WDR36: variants seen among roughly 807,000 people sequenced by gnomAD.
WDR36 encodes the protein WD repeat-containing protein 36.
WDR36 carries 63 observed loss-of-function variants against 112.7 expected under a neutral mutation model. The ratio of observed to expected loss-of-function variants is 0.56; its 90% CI spans 0.46 to 0.69. The LOEUF (loss-of-function observed/expected upper bound fraction) is 0.69, where lower values mean the gene tolerates loss of function less well. Ranked by LOEUF, WDR36 falls within the 30% of genes least tolerant of loss-of-function variation. The pLI is 0.00. For missense variants in WDR36, 1,226 were observed against 1,070.3 expected, an observed-to-expected ratio of 1.15 and a Z score of -2.03; for synonymous variants, 410 against 362.2, an observed-to-expected ratio of 1.13 and a Z score of -1.50.
rs1020018622 is a variant in WDR36 at position 111,094,901 on chromosome 5, T to G, written c.163-19T>G. 6.3e-7 allele frequency: 1 copy of G among 1,586,326 alleles called. No homozygotes were observed. Among genetic ancestry groups the G allele is most frequent in the African/African-American group, 1.3e-5 (1 of 74,440 alleles). On this transcript the variant is annotated intron_variant, in intron 1 of 22. Transcript: ENST00000513710. ...TATGTTTGTTAATGAAAATTTAACC[T>G]TTTTTCTTTTTTAAACAGGTTCAGA...
intron 4 of WDR36, among the ~76,000 whole-genome samples, chr5:111,099,466 T>G (rs1271888083): frequency 0.035 from 1,473 of 42,208 alleles, 16 homozygotes; most frequent in African/African-American, 0.11. Flanking sequence ...TTTTTTTGTT[T>G]TTTTTTTTTT....
chr5:111,102,483 G>C, intron 6 of WDR36, 84 bp downstream of exon 6: 1 of 1,352,628 alleles, frequency 7.4e-7, no homozygotes, highest in East Asian at 2.3e-5. Flanking sequence ...AATTTTAGAC[G>C]TAAAGACGAA....
In WDR36 at chr5:111,100,839, A is replaced by G. The variant is rs564675232; in HGVS notation, c.542+118A>G. On this transcript the variant is annotated intron_variant, in intron 5 of 22. Coordinates refer to ENST00000513710, the MANE Select transcript of WDR36 (RefSeq NM_139281.3). ...TGTATATTTATTTGGAGGGTTGTCT[A>G]TAAATAACAGTTGGTCCCCTGTATC... The G allele has an allele frequency of 3.7e-5, 39 of 1,060,234 alleles. 1 individual carries two copies. In the African/African-American group the frequency reaches 5.7e-4, roughly 15 times the overall value. 65.7% of individuals were successfully genotyped at this position (1,060,234 alleles called of 1,614,324 possible).
intron 15 of WDR36, 170 bp downstream of exon 15, chr5:111,111,448 A>G (rs530964014): frequency 1.1e-4 from 67 of 618,334 alleles, no homozygotes; most frequent in South Asian, 2.2e-4. Flanking sequence ...AATATTTTTC[A>G]GGGAGTTGAT....
At chr5:111,106,765 T>C (rs993694315) in intron 11 of WDR36, among the ~76,000 whole-genome samples, 1 of 151,426 alleles carries the variant, frequency 6.6e-6, no homozygotes, top group East Asian at 1.9e-4. Context: ...GAATCTCATC[T>C]CCTTAACATG....
intron 6 of WDR36, 71 bp downstream of exon 6, chr5:111,102,470 C>T (rs1219589319): frequency 6.8e-7 from 1 of 1,460,708 alleles, no homozygotes; most frequent in South Asian, 1.2e-5. Flanking sequence ...AGGAATCAAT[C>T]ATAATTTTAG....
Position 111,103,727 on chromosome 5 carries a change from CA to C in WDR36, c.598-58del, listed in dbSNP as rs112950746. ...AACACCTAATAATGATGCGTATCAT[CA>C]GGATTATTAAAGCTATTTTGCTTAA... On this transcript the variant is annotated intron_variant, in intron 6 of 22. Coordinates refer to ENST00000513710, the MANE Select transcript of WDR36 (RefSeq NM_139281.3). The C allele has an allele frequency of 1.9e-5, 30 of 1,597,590 alleles. No homozygotes were observed. In the African/African-American group the frequency reaches 2.3e-4, roughly 12 times the overall value.
At chr5:111,110,115 A>C (rs1472667982) in intron 12 of WDR36, 74 bp from the exon 13 acceptor site, 70 of 1,025,184 alleles carry the variant, frequency 6.8e-5, no homozygotes, top group Non-Finnish European at 8.6e-5. Context: ...AGTAGATAAA[A>C]AAATGCTTTG....
chr5:111,092,389 C>A lies in WDR36; in HGVS notation c.-68C>A, dbSNP rs141363311. 1.7e-5 allele frequency: 28 copies of A among 1,614,222 alleles called. No homozygotes were observed. Among genetic ancestry groups the A allele is most frequent in the African/African-American group, 2.7e-5 (2 of 75,068 alleles). On this transcript the variant is annotated 5_prime_UTR_variant, in exon 1 of 23. Coordinates refer to ENST00000513710, the MANE Select transcript of WDR36 (RefSeq NM_139281.3). The stretch of plus-strand genomic sequence containing the variant: ...TGGCAGAGGACTGTTCCACTAGACA[C>A]GCTGAAGGGACTGGGTACGTGTTTT...
intron 12 of WDR36, 41 bp from the exon 13 acceptor site, chr5:111,110,148 A>G (rs781781614): frequency 2.1e-6 from 3 of 1,396,622 alleles, no homozygotes; most frequent in South Asian, 2.3e-5. Flanking sequence ...TGCAATAAAA[A>G]TGTTAGTTAT....
rs536036294 is a variant in WDR36 at position 111,129,929 on chromosome 5, T to A, written c.*3046T>A. 8.6e-5 allele frequency: 18 copies of A among 210,338 alleles called. No individual in the cohort carries two copies. Among genetic ancestry groups the A allele is most frequent in the Admixed American group, 1.8e-4 (3 of 17,010 alleles). The allele number at this position is 210,338 out of a possible 1,614,324, so 13.0% of individuals were successfully genotyped here. On this transcript the variant is annotated 3_prime_UTR_variant, in exon 23 of 23. Transcript: ENST00000513710. ...CCAATATCTGTTCAAAATTCATTTA[T>A]TGAAAAGTCCACTCATATGTCTGAT...
intron 2 of WDR36, among the ~76,000 whole-genome samples, chr5:111,095,410 CTT>C (rs899484263): frequency 1.3e-5 from 2 of 152,174 alleles, no homozygotes; most frequent in African/African-American, 4.8e-5. Flanking sequence ...GAATAAGTAT[CTT>C]TTGGTAGTAT....
intron 15 of WDR36, chr5:111,111,547 T>G: frequency 2.6e-6 from 1 of 385,536 alleles, no homozygotes; most frequent in South Asian, 2.3e-5. Context: ...GAATGAATGA[T>G]CCATTGGTAT....
intron 12 of WDR36, among the ~76,000 whole-genome samples, chr5:111,108,445 C>A (rs1753262180): frequency 6.6e-6 from 1 of 151,322 alleles, no homozygotes; most frequent in East Asian, 1.9e-4. Context: ...CTATTTTATA[C>A]AAATTGCATT....
intron 4 of WDR36, among the ~76,000 whole-genome samples, chr5:111,099,468 T>G (rs13188342): frequency 4.9e-4 from 40 of 81,744 alleles, no homozygotes; most frequent in East Asian, 3.2e-3. Context: ...TTTTTGTTTT[T>G]TTTTTTTTTT....
chr5:111,097,212 A>G (rs777911985), intron 3 of WDR36, 33 bp downstream of exon 3: 2 of 1,518,848 alleles, frequency 1.3e-6, no homozygotes, highest in South Asian at 2.2e-5. Context: ...TTTGTCAGTC[A>G]GTATTTGTTT....
At chr5:111,099,484 T>C (rs1211615628) in intron 4 of WDR36, among the ~76,000 whole-genome samples, 6 of 124,126 alleles carry the variant, frequency 4.8e-5, no homozygotes, top group Admixed American at 1.8e-4. Context: ...TTTTTTTTTT[T>C]CAGTAAATAT....
In WDR36 at chr5:111,113,150, G is replaced by C. The variant is rs370268872; in HGVS notation, c.1793G>C (p.Gly598Ala). 1 of 1,579,548 alleles carries C rather than the reference G, an allele frequency of 6.3e-7. No homozygotes were observed. Among genetic ancestry groups the C allele is most frequent in the African/African-American group, 1.4e-5 (1 of 72,934 alleles). Residue 598 changes from glycine to alanine, a missense_variant, in exon 16 of 23, where the codon GGG (glycine) becomes GCG (alanine). By Grantham distance (60) the Gly-to-Ala change is moderately conservative. Transcript: ENST00000513710. ...ATTAGGACTTGGGACCTTCCTTCTG[G>C]GTGGTAAGTTTATATTTCTAATTCC... ...CSIRTWDLPS[G>A]CLIDCFLLDS...
At chr5:111,092,809 G>C (rs1580387418) in intron 1 of WDR36, among the ~76,000 whole-genome samples, 191 bp downstream of exon 1, 3 of 152,378 alleles carry the variant, frequency 2.0e-5, no homozygotes, top group Admixed American at 2.0e-4. Flanking sequence ...CTCCTGGGGC[G>C]TGTTTCAGAG....
Sources: gnomAD v4.1 joint callset for allele counts (sites outside exome capture counted in the v4.1 genomes callset) on GRCh38, gnomAD v4.1.1 for gene constraint, MANE v1.5 for transcripts, NCBI Gene and HGNC (gene_info 2026-07-23, HGNC 2026-07-21) for gene names.